Variants in IPMK observed in about 807,000 individuals in gnomAD.
IPMK encodes the protein inositol polyphosphate multikinase, also known as inositol 1,3,4,6-tetrakisphosphate 5-kinase.
Under a neutral mutation model 45.8 loss-of-function variants are expected in IPMK, and 17 were observed. That is an observed-to-expected ratio of 0.37 (90% confidence interval 0.25 to 0.56). The LOEUF (loss-of-function observed/expected upper bound fraction) is 0.56, where lower values mean the gene tolerates loss of function less well. IPMK is among the 20% of genes least tolerant of loss of function. IPMK has a pLI of 0.79. For synonymous variants in IPMK, 180 were observed against 184.3 expected (o/e 0.98, Z 0.19); for missense variants, 399 against 498.0 (o/e 0.80, Z 1.89).
intron 1 of IPMK, among the ~76,000 whole-genome samples, chr10:58,254,830 T>TG (rs201580250): frequency 1.3e-5 from 2 of 152,366 alleles, no homozygotes; most frequent in African/African-American, 4.8e-5. Context: ...TTTCCTGTTC[T>TG]GGGAGAAGAC....
chr10:58,230,021 C>G (rs1838486962), intron 2 of IPMK, among the ~76,000 whole-genome samples: 1 of 152,200 alleles, frequency 6.6e-6, no homozygotes, highest in Non-Finnish European at 1.5e-5. Flanking sequence ...ATGCATGGCT[C>G]AGTGGGTCCC....
intron 2 of IPMK, among the ~76,000 whole-genome samples, chr10:58,230,977 C>T (rs940754619): frequency 6.6e-6 from 1 of 152,128 alleles, no homozygotes; most frequent in African/African-American, 2.4e-5. Flanking sequence ...GTAGAGAAGA[C>T]CTTAAATGAC....
At chr10:58,248,453 T>C (rs2590329) in intron 1 of IPMK, among the ~76,000 whole-genome samples, 51,083 of 151,766 alleles carry the variant, frequency 0.34, 10,758 homozygotes, top group African/African-American at 0.6. Flanking sequence ...TTTATGTGTG[T>C]GCACATATAT....
chr10:58,236,349 AT>A (rs1458789130), intron 2 of IPMK, among the ~76,000 whole-genome samples: 1 of 152,228 alleles, frequency 6.6e-6, no homozygotes, highest in Non-Finnish European at 1.5e-5. Flanking sequence ...TGTGAAGAAA[AT>A]AAGAGTTTAA....
At chr10:58,222,972 T>C (rs1227746672) in intron 3 of IPMK, among the ~76,000 whole-genome samples, 1 of 152,106 alleles carries the variant, frequency 6.6e-6, no homozygotes, top group East Asian at 1.9e-4. Flanking sequence ...ATAAGAACAA[T>C]ACAATGGACT....
At chr10:58,219,842 T>C (rs1008121660) in intron 3 of IPMK, among the ~76,000 whole-genome samples, 1 of 152,272 alleles carries the variant, frequency 6.6e-6, no homozygotes, top group Non-Finnish European at 1.5e-5. Flanking sequence ...TTACGTATCA[T>C]AGACAAAGAA....
chr10:58,215,213 G>A (rs150532016), intron 4 of IPMK, among the ~76,000 whole-genome samples: 30 of 152,216 alleles, frequency 2.0e-4, no homozygotes, highest in Non-Finnish European at 3.5e-4. Flanking sequence ...AAATGAGAGA[G>A]AGTCATTTTA....
chr10:58,245,244 CAG>C (rs1192624112), intron 1 of IPMK, among the ~76,000 whole-genome samples: 4 of 150,876 alleles, frequency 2.7e-5, no homozygotes, highest in East Asian at 1.9e-4. Flanking sequence ...TCTTAGAAAA[CAG>C]AAAATAGAAT....
intron 1 of IPMK, among the ~76,000 whole-genome samples, chr10:58,258,567 A>T (rs999958598): frequency 6.6e-6 from 1 of 152,198 alleles, no homozygotes; most frequent in African/African-American, 2.4e-5. Flanking sequence ...TAACAGTAAG[A>T]TATTTAGGAA....
chr10:58,224,192 T>G (rs375964476), intron 3 of IPMK, among the ~76,000 whole-genome samples: 26 of 152,166 alleles, frequency 1.7e-4, no homozygotes, highest in East Asian at 9.6e-4. Flanking sequence ...TCATGCCTCC[T>G]GCAACATGAC....
intron 1 of IPMK, among the ~76,000 whole-genome samples, chr10:58,245,157 A>T (rs1357908642): frequency 6.6e-6 from 1 of 152,156 alleles, no homozygotes; most frequent in Non-Finnish European, 1.5e-5. Flanking sequence ...ACATTATGCT[A>T]AGTGAAATAA....
chr10:58,209,804 C>A lies in IPMK; in HGVS notation c.546+6341G>T, dbSNP rs373442204. ...AGGGTGTTGGAGGCAGTAGCTTTAG[C>A]GGTTGTTTTCTCCTTCCTGGGAGCA... On this transcript the variant is annotated intron_variant, in intron 4 of 5. Coordinates refer to ENST00000373935, the MANE Select transcript of IPMK (RefSeq NM_152230.5). Among the ~76,000 whole-genome samples the A allele has an allele frequency of 8.0e-4, 122 of 152,284 alleles. 3 individuals carry two copies. The South Asian group carries it at 0.024, about 29-fold the overall frequency.
chr10:58,204,385 C>T (rs980606729), intron 4 of IPMK, among the ~76,000 whole-genome samples: 3 of 151,984 alleles, frequency 2.0e-5, no homozygotes, highest in South Asian at 2.1e-4. Flanking sequence ...TTTCCTCGTA[C>T]GTCACCATAT....
intron 1 of IPMK, among the ~76,000 whole-genome samples, chr10:58,254,231 T>G (rs768242364): frequency 4.1e-5 from 6 of 147,542 alleles, no homozygotes; most frequent in Non-Finnish European, 7.3e-5. Context: ...TTCTTTATTC[T>G]TTTCTTTTTG....
At position 58,227,078 on chromosome 10, in the gene IPMK, T is replaced by C. The variant is rs778350776; in HGVS notation, c.338A>G (p.Tyr113Cys). 12 of 1,613,278 alleles carry C rather than the reference T, an allele frequency of 7.4e-6. No homozygotes were observed. The highest frequency in any genetic ancestry group is 1.0e-5 in the Non-Finnish European group (12 of 1,179,516). ...AGTGGGAGGTGACCAGATGCCATAA[T>C]ATTTTGGCAAATATTTTCGTAGCTC... ...LLELRKYLPK[Y>C]YGIWSPPTAP... The change falls in exon 3 of 6, where the codon TAT becomes TGT. Residue 113 changes from tyrosine (Y) to cysteine (C), a missense_variant. Coordinates refer to ENST00000373935, the MANE Select transcript of IPMK (RefSeq NM_152230.5).
chr10:58,243,159 C>T (rs965140695), intron 1 of IPMK, among the ~76,000 whole-genome samples: 3 of 152,050 alleles, frequency 2.0e-5, no homozygotes, highest in Non-Finnish European at 4.4e-5. Flanking sequence ...GAAAGGCACA[C>T]CCATGTTGAT....
intron 3 of IPMK, among the ~76,000 whole-genome samples, chr10:58,220,979 C>T (rs1838324361): frequency 6.6e-6 from 1 of 152,136 alleles, no homozygotes; most frequent in South Asian, 2.1e-4. Flanking sequence ...AGATGATTCC[C>T]TGGAGTCTAT....
Position 58,259,671 on chromosome 10 carries a change from T to TAAAAAAAAAAA in IPMK, c.190+7740_190+7750dup, listed in dbSNP as rs560813021. On this transcript the variant is annotated intron_variant, in intron 1 of 5. Transcript: ENST00000373935. The stretch of plus-strand genomic sequence containing the variant: ...AGCATGGTAAAATCCCATCTCTACA[T>TAAAAAAAAAAA]AAAAAAAAAAAAAAAACAATTAGCC... 2.9e-3 allele frequency among the ~76,000 whole-genome samples: 247 copies of TAAAAAAAAAAA among 86,568 alleles called. 7 individuals are homozygous for TAAAAAAAAAAA. Among genetic ancestry groups the TAAAAAAAAAAA allele is most frequent in the African/African-American group, 8.1e-3 (129 of 15,904 alleles). The allele number at this position is 86,568 out of a possible 152,430, so 56.8% of individuals were successfully genotyped here. A position where few individuals can be genotyped will look rare whatever the true frequency, so the allele number is the denominator to read the frequency against.
chr10:58,250,792 G>A (rs764623623), intron 1 of IPMK, among the ~76,000 whole-genome samples: 8 of 152,082 alleles, frequency 5.3e-5, no homozygotes, highest in Admixed American at 3.9e-4. Context: ...TCCCAATTCA[G>A]TATTATATTA....
Sources: gnomAD v4.1 joint callset for allele counts (sites outside exome capture counted in the v4.1 genomes callset) on GRCh38, gnomAD v4.1.1 for gene constraint, MANE v1.5 for transcripts, NCBI Gene and HGNC (gene_info 2026-07-23, HGNC 2026-07-21) for gene names.